PKNOX2: variants seen among roughly 807,000 people sequenced by gnomAD.
PKNOX2 encodes the protein PBX/knotted 1 homeobox 2, also known as homeobox protein PKNOX2.
A neutral mutation model predicts 53.1 loss-of-function variants in PKNOX2; 14 were observed. That is an observed-to-expected ratio of 0.26 (90% CI 0.17 to 0.41). The LOEUF is 0.41. PKNOX2 is among the 10% of genes least tolerant of loss of function. The probability of loss-of-function intolerance (pLI) is 1.00; values close to 1 mark genes in which losing one functional copy is unlikely to be tolerated. For missense variants in PKNOX2, 496 were observed against 602.8 expected (o/e 0.82, Z 1.85); for synonymous variants, 257 against 242.8 (o/e 1.06, Z -0.54).
At position 125,432,578 on chromosome 11, in the gene PKNOX2, C is replaced by G. The variant is rs969647183; in HGVS notation, c.*1186C>G. ...CTGCGGGGATGCCCATCCCACACAC[C>G]CCACCCAGCTGTTCTAACCCTGCTA... is the stretch of plus-strand genomic sequence containing the variant. On this transcript the variant is annotated 3_prime_UTR_variant, in exon 13 of 13. Coordinates refer to ENST00000298282, the MANE Select transcript of PKNOX2 (RefSeq NM_001382323.2). 2.0e-5 allele frequency: 3 copies of G among 152,718 alleles called. No homozygotes were observed. The highest frequency in any genetic ancestry group is 2.9e-5 in the Non-Finnish European group (2 of 68,130). The allele number at this position is 152,718 out of a possible 1,614,324, so 9.5% of individuals were successfully genotyped here.
At chr11:125,410,060 T>C (rs1232664797) in intron 7 of PKNOX2, 136 bp from the exon 8 acceptor site, 1 of 1,223,312 alleles carries the variant, frequency 8.2e-7, no homozygotes, top group Non-Finnish European at 1.1e-6. Flanking sequence ...AGTTGCCTTC[T>C]GGACCTGGGT....
chr11:125,379,196 G>C (rs1181997888), intron 5 of PKNOX2, among the ~76,000 whole-genome samples: 1 of 151,914 alleles, frequency 6.6e-6, no homozygotes, highest in African/African-American at 2.4e-5. Context: ...GAGTAGCTGG[G>C]ATTAAAGGCA....
At chr11:125,234,475 C>T (rs914991446) in intron 1 of PKNOX2, among the ~76,000 whole-genome samples, 2 of 152,212 alleles carry the variant, frequency 1.3e-5, no homozygotes, top group African/African-American at 2.4e-5. Flanking sequence ...CATCATTCTT[C>T]TCTATGCACA....
chr11:125,224,144 C>T (rs1565473305), intron 1 of PKNOX2, among the ~76,000 whole-genome samples: 1 of 152,238 alleles, frequency 6.6e-6, no homozygotes, highest in Non-Finnish European at 1.5e-5. Context: ...TCAGGCGGAC[C>T]TTCCTGCAGC....
intron 1 of PKNOX2, among the ~76,000 whole-genome samples, chr11:125,208,722 A>C (rs1440317998): frequency 6.6e-6 from 1 of 152,074 alleles, no homozygotes; most frequent in Non-Finnish European, 1.5e-5. Flanking sequence ...CATGAGGGAT[A>C]AATCAATAAG....
At chr11:125,401,791 A>G (rs12362454) in intron 7 of PKNOX2, among the ~76,000 whole-genome samples, 25 of 121,118 alleles carry the variant, frequency 2.1e-4, no homozygotes, top group East Asian at 6.6e-4. Context: ...GTGTGTGTGT[A>G]TGTGTGTGCA....
intron 3 of PKNOX2, among the ~76,000 whole-genome samples, chr11:125,339,250 C>T (rs1332418557): frequency 1.3e-5 from 2 of 152,188 alleles, no homozygotes; most frequent in African/African-American, 2.4e-5. Flanking sequence ...CTGCTGCTGG[C>T]TCACTGGCTG....
At chr11:125,382,471 T>G (rs1177045393) in intron 5 of PKNOX2, among the ~76,000 whole-genome samples, 7 of 152,188 alleles carry the variant, frequency 4.6e-5, no homozygotes, top group African/African-American at 1.7e-4. Flanking sequence ...TATTAGTTCC[T>G]GGTAATTTAG....
chr11:125,197,229 G>T (rs980828430), intron 1 of PKNOX2, among the ~76,000 whole-genome samples: 2 of 152,218 alleles, frequency 1.3e-5, no homozygotes, highest in Admixed American at 1.3e-4. Context: ...GTAATTCATT[G>T]CATCTGAGAT....
rs1201379428 is a variant in PKNOX2 at position 125,315,328 on chromosome 11, A to AAAAAAAAAAAAAAAAAAC, written c.-129-16491_-129-16490insAAAAAAAAAAAAAAAAAC. Among the ~76,000 whole-genome samples the AAAAAAAAAAAAAAAAAAC allele has an allele frequency of 1.2e-4, 18 of 144,832 alleles. 1 individual carries two copies. The highest frequency in any genetic ancestry group is 4.9e-4 in the African/African-American group (18 of 36,476). On this transcript the variant is annotated intron_variant, in intron 2 of 12. Transcript: ENST00000298282. ...GAAAAAAAAAAAAAAAAAAAAAAAA[A>AAAAAAAAAAAAAAAAAAC]CACCTCTCTCTGCATTAAAATTGAT...
At chr11:125,366,715 T>C (rs1952209195) in intron 4 of PKNOX2, among the ~76,000 whole-genome samples, 1 of 152,260 alleles carries the variant, frequency 6.6e-6, no homozygotes, top group South Asian at 2.1e-4. Context: ...GTACCAGCAA[T>C]GCTTGTATTC....
intron 1 of PKNOX2, among the ~76,000 whole-genome samples, chr11:125,217,838 C>T (rs1940692662): frequency 6.6e-6 from 1 of 152,140 alleles, no homozygotes; most frequent in South Asian, 2.1e-4. Flanking sequence ...CCTCCTGATC[C>T]CTCCATCACA....
At chr11:125,338,273 G>A (rs551067057) in intron 3 of PKNOX2, among the ~76,000 whole-genome samples, 145 of 152,148 alleles carry the variant, frequency 9.5e-4, no homozygotes, top group Non-Finnish European at 1.3e-3. Flanking sequence ...ATCCCTGACC[G>A]TGGCAAGTGC....
At chr11:125,280,442 A>C (rs1226183000) in intron 2 of PKNOX2, among the ~76,000 whole-genome samples, 1 of 152,102 alleles carries the variant, frequency 6.6e-6, no homozygotes, top group African/African-American at 2.4e-5. Flanking sequence ...GAGAGGCTGC[A>C]CCTTCCCTAA....
intron 3 of PKNOX2, among the ~76,000 whole-genome samples, chr11:125,333,548 A>G (rs1242692240): frequency 7.0e-6 from 1 of 142,520 alleles, no homozygotes; most frequent in African/African-American, 3.0e-5. Flanking sequence ...ACACACACAC[A>G]TACACACACA....
chr11:125,365,208 A>G (rs1171523487), intron 4 of PKNOX2, among the ~76,000 whole-genome samples: 1 of 152,010 alleles, frequency 6.6e-6, no homozygotes. Flanking sequence ...TCCTCATACA[A>G]TGAAGTACCG....
chr11:125,363,316 A>G (rs1591543009), intron 4 of PKNOX2, among the ~76,000 whole-genome samples: 1 of 152,190 alleles, frequency 6.6e-6, no homozygotes, highest in East Asian at 1.9e-4. Context: ...ATCAGTAGCC[A>G]TTGTCTGGTT....
At chr11:125,211,216 A>C (rs922660020) in intron 1 of PKNOX2, among the ~76,000 whole-genome samples, 1 of 152,130 alleles carries the variant, frequency 6.6e-6, no homozygotes, top group African/African-American at 2.4e-5. Flanking sequence ...GAGACCCCTC[A>C]CAGACTTCTC....
intron 6 of PKNOX2, among the ~76,000 whole-genome samples, chr11:125,391,592 T>C (rs1565514358): frequency 6.6e-6 from 1 of 152,220 alleles, no homozygotes; most frequent in Non-Finnish European, 1.5e-5. Flanking sequence ...GTTCAAAATA[T>C]CAAGGCAGAA....
Sources: allele counts gnomAD v4.1 joint callset (sites outside exome capture counted in the v4.1 genomes callset), GRCh38; gene constraint gnomAD v4.1.1; transcripts MANE v1.5; gene names NCBI Gene and HGNC (gene_info 2026-07-23, HGNC 2026-07-21).